Variants in HEMK2 observed in about 807,000 individuals in gnomAD.
HEMK2 encodes the protein methyltransferase HEMK2.
the HEMK2 span, among the ~76,000 whole-genome samples, chr21:28,645,087 G>A: frequency 6.6e-6 from 1 of 152,290 alleles, no homozygotes; most frequent in African/African-American, 2.4e-5. Flanking sequence ...GTGAGTCTTT[G>A]AGGCCAGACA....
chr21:28,602,004 A>C, the HEMK2 span, among the ~76,000 whole-genome samples: 1 of 152,198 alleles, frequency 6.6e-6, no homozygotes. Flanking sequence ...TCAACCATTT[A>C]ATTCATTGTA....
At chr21:28,882,223 T>G in the HEMK2 span, 2 of 1,610,712 alleles carry the variant, frequency 1.2e-6, no homozygotes, top group Admixed American at 3.4e-5. Context: ...GGGTACAAGC[T>G]GCTGCCTCAG....
the HEMK2 span, among the ~76,000 whole-genome samples, chr21:28,782,616 T>A: frequency 6.6e-6 from 1 of 152,226 alleles, no homozygotes; most frequent in East Asian, 1.9e-4. Context: ...AAAGTTTTAA[T>A]ATCCTTGATA....
the HEMK2 span, among the ~76,000 whole-genome samples, chr21:28,729,629 T>G: frequency 1.1e-5 from 1 of 90,408 alleles, no homozygotes; most frequent in African/African-American, 6.5e-5. Context: ...CGATTGCTGA[T>G]AAGCAAAAAA....
chr21:28,824,544 A>C, the HEMK2 span, among the ~76,000 whole-genome samples: 20 of 152,228 alleles, frequency 1.3e-4, no homozygotes, highest in Admixed American at 5.9e-4. Context: ...AAAACGTATT[A>C]GTATTCCAAT....
the HEMK2 span, among the ~76,000 whole-genome samples, chr21:28,771,518 A>AC: frequency 0.042 from 4,403 of 105,604 alleles, 269 homozygotes; most frequent in African/African-American, 0.081. Context: ...AAGATGCACC[A>AC]CCCCCCCCCG....
chr21:28,810,282 G>C, the HEMK2 span, among the ~76,000 whole-genome samples: 1 of 152,060 alleles, frequency 6.6e-6, no homozygotes, highest in Admixed American at 6.6e-5. Flanking sequence ...AGCCACTCTA[G>C]GTATTTCAAC....
At chr21:28,873,008 C>A in the HEMK2 span, 1 of 152,172 alleles carries the variant, frequency 6.6e-6, no homozygotes, top group Non-Finnish European at 1.5e-5. Flanking sequence ...TAAAATTAAC[C>A]ATCACAAGTT....
At chr21:28,795,844 T>G in the HEMK2 span, among the ~76,000 whole-genome samples, 5 of 152,314 alleles carry the variant, frequency 3.3e-5, no homozygotes, top group East Asian at 9.6e-4. Context: ...GATAATTAAT[T>G]ATCCTAAAGT....
the HEMK2 span, among the ~76,000 whole-genome samples, chr21:28,744,667 C>A: frequency 6.6e-6 from 1 of 152,162 alleles, no homozygotes; most frequent in Non-Finnish European, 1.5e-5. Context: ...ATGTGTGAGG[C>A]TTGAGCTGGG....
chr21:28,747,190 G>A, the HEMK2 span, among the ~76,000 whole-genome samples: 23 of 152,190 alleles, frequency 1.5e-4, no homozygotes, highest in Non-Finnish European at 3.4e-4. Context: ...ACTTAGATAT[G>A]GGAATTGCTA....
At chr21:28,611,466 A>C in the HEMK2 span, among the ~76,000 whole-genome samples, 2 of 152,228 alleles carry the variant, frequency 1.3e-5, no homozygotes, top group Non-Finnish European at 2.9e-5. Context: ...CTTTACATGC[A>C]TAAACTAGAA....
the HEMK2 span, among the ~76,000 whole-genome samples, chr21:28,609,333 A>G: frequency 2.1e-3 from 315 of 152,178 alleles, 1 homozygote; most frequent in Middle Eastern, 6.8e-3. Flanking sequence ...CAGGAAGCCC[A>G]CCCCTAGGGG....
chr21:28,748,420 T>C, the HEMK2 span, among the ~76,000 whole-genome samples: 76 of 152,390 alleles, frequency 5.0e-4, no homozygotes, highest in African/African-American at 1.6e-3. Context: ...AGTATCATAC[T>C]GCTTTTAAAT....
At chr21:28,813,466 T>C in the HEMK2 span, among the ~76,000 whole-genome samples, 1 of 152,102 alleles carries the variant, frequency 6.6e-6, no homozygotes, top group African/African-American at 2.4e-5. Context: ...TGTTCACGGA[T>C]AGGAAGAATC....
At chr21:28,836,053 G>A in the HEMK2 span, among the ~76,000 whole-genome samples, 2 of 152,162 alleles carry the variant, frequency 1.3e-5, no homozygotes, top group Non-Finnish European at 2.9e-5. Context: ...AAAAGCTTGG[G>A]AAACATATTT....
the HEMK2 span, among the ~76,000 whole-genome samples, chr21:28,755,526 G>A: frequency 6.6e-6 from 1 of 152,226 alleles, no homozygotes; most frequent in Non-Finnish European, 1.5e-5. Flanking sequence ...TACAAGAGGT[G>A]TGATGTCTAT....
At chr21:28,656,080 T>C in the HEMK2 span, among the ~76,000 whole-genome samples, 1 of 152,000 alleles carries the variant, frequency 6.6e-6, no homozygotes, top group Non-Finnish European at 1.5e-5. Flanking sequence ...ATCAACATTA[T>C]GAGAAAAATG....
chr21:28,720,620 C>T, the HEMK2 span, among the ~76,000 whole-genome samples: 2 of 152,132 alleles, frequency 1.3e-5, no homozygotes, highest in Non-Finnish European at 2.9e-5. Context: ...GTAATCCCAG[C>T]AACTCAGGAG....
Sources: gnomAD v4.1 joint callset for allele counts (sites outside exome capture counted in the v4.1 genomes callset) on GRCh38, gnomAD v4.1.1 for gene constraint, MANE v1.5 for transcripts, NCBI Gene and HGNC (gene_info 2026-07-23, HGNC 2026-07-21) for gene names.